CTNNA2: variants seen among roughly 807,000 people sequenced by gnomAD.
CTNNA2 encodes the protein catenin alpha-2.
In CTNNA2, 42 loss-of-function variants were observed where a neutral mutation model predicts 101.0. The observed-to-expected ratio is 0.42, with a 90% CI of 0.32 to 0.54. The LOEUF (loss-of-function observed/expected upper bound fraction) is 0.54. Ranked by LOEUF, CTNNA2 falls within the 20% of genes least tolerant of loss-of-function variation. The probability of loss-of-function intolerance (pLI) is 0.14; values close to 1 mark genes in which losing one functional copy is unlikely to be tolerated. For missense variants in CTNNA2, 871 were observed against 1,223.1 expected (o/e 0.71, Z 4.29); for synonymous variants, 450 against 456.4 (o/e 0.99, Z 0.18).
intron 1 of CTNNA2, among the ~76,000 whole-genome samples, chr2:79,642,796 A>C: frequency 6.6e-6 from 1 of 150,552 alleles, no homozygotes; most frequent in Non-Finnish European, 1.5e-5. Context: ...TTTTTCCCTC[A>C]ACTTCTGCTC....
intron 1 of CTNNA2, among the ~76,000 whole-genome samples, chr2:79,542,919 G>C (rs545226039): frequency 2.0e-5 from 3 of 152,140 alleles, no homozygotes; most frequent in Non-Finnish European, 4.4e-5. Context: ...ATCAACTTAT[G>C]AGAATATGGA....
intron 17 of CTNNA2, chr2:80,616,559 C>G (rs920750556): frequency 2.0e-5 from 3 of 151,736 alleles, no homozygotes; most frequent in African/African-American, 4.8e-5. Context: ...AGCCCTACAT[C>G]TGTCTGGTCA....
intron 2 of CTNNA2, among the ~76,000 whole-genome samples, chr2:79,721,236 A>G (rs1686469202): frequency 6.6e-6 from 1 of 152,116 alleles, no homozygotes; most frequent in Non-Finnish European, 1.5e-5. Flanking sequence ...TGGGTAATTT[A>G]TAAAGAAAGT....
intron 7 of CTNNA2, among the ~76,000 whole-genome samples, chr2:80,007,744 T>G (rs1176407793): frequency 3.9e-5 from 6 of 152,124 alleles, no homozygotes; most frequent in African/African-American, 1.4e-4. Flanking sequence ...TAGCCAGAAG[T>G]GAGAGAAGGG....
chr2:79,546,080 G>A (rs1473646984), intron 1 of CTNNA2, among the ~76,000 whole-genome samples: 1 of 152,126 alleles, frequency 6.6e-6, no homozygotes, highest in Non-Finnish European at 1.5e-5. Flanking sequence ...AACTCTAGTT[G>A]CTGTTCTTAA....
chr2:79,261,757 G>C (rs1183242442), intron 2 of CTNNA2, among the ~76,000 whole-genome samples: 2 of 152,186 alleles, frequency 1.3e-5, no homozygotes, highest in East Asian at 3.9e-4. Context: ...TCCAAATGCA[G>C]TCACATCAGG....
At chr2:80,058,578 C>T (rs1004662429) in intron 7 of CTNNA2, among the ~76,000 whole-genome samples, 3 of 152,142 alleles carry the variant, frequency 2.0e-5, no homozygotes, top group East Asian at 1.9e-4. Context: ...TACTTATAGG[C>T]GTAAAAGCAA....
intron 7 of CTNNA2, among the ~76,000 whole-genome samples, chr2:80,314,605 T>C (rs1479448081): frequency 1.3e-5 from 2 of 152,288 alleles, no homozygotes; most frequent in East Asian, 3.9e-4. Context: ...GGACATTGGA[T>C]GGTCAAGATC....
At chr2:79,694,572 A>G (rs1426791157) in intron 2 of CTNNA2, among the ~76,000 whole-genome samples, 1 of 151,796 alleles carries the variant, frequency 6.6e-6, no homozygotes, top group East Asian at 1.9e-4. Flanking sequence ...AAATAATTTC[A>G]CATTTGAATA....
chr2:79,883,125 G>C (rs917328221), intron 6 of CTNNA2, among the ~76,000 whole-genome samples: 2 of 152,106 alleles, frequency 1.3e-5, no homozygotes, highest in Non-Finnish European at 2.9e-5. Context: ...GTTTCTAGTT[G>C]GCCATCTTGG....
At chr2:79,819,523 TGA>T (rs1001893946) in intron 3 of CTNNA2, among the ~76,000 whole-genome samples, 2 of 152,238 alleles carry the variant, frequency 1.3e-5, no homozygotes, top group African/African-American at 4.8e-5. Context: ...GTTCTATGTG[TGA>T]GTCTCTCAGG....
At chr2:80,279,169 A>G (rs994570756) in intron 7 of CTNNA2, among the ~76,000 whole-genome samples, 1 of 151,854 alleles carries the variant, frequency 6.6e-6, no homozygotes, top group Non-Finnish European at 1.5e-5. Flanking sequence ...CTGGAGAAAC[A>G]TTCCTGAGGC....
At chr2:79,566,376 T>A (rs1455172598) in intron 1 of CTNNA2, among the ~76,000 whole-genome samples, 1 of 152,184 alleles carries the variant, frequency 6.6e-6, no homozygotes, top group Non-Finnish European at 1.5e-5. Context: ...TTTATTTAGA[T>A]CCAAATGCAT....
At chr2:79,747,665 G>A (rs985056012) in intron 3 of CTNNA2, among the ~76,000 whole-genome samples, 2 of 152,058 alleles carry the variant, frequency 1.3e-5, no homozygotes, top group Non-Finnish European at 2.9e-5. Context: ...TTGTGTTCTC[G>A]TGGATATAAT....
chr2:79,575,208 A>T (rs1675714663), intron 1 of CTNNA2, among the ~76,000 whole-genome samples: 1 of 152,172 alleles, frequency 6.6e-6, no homozygotes, highest in African/African-American at 2.4e-5. Flanking sequence ...CATTATCACT[A>T]AATATTTTTA....
intron 3 of CTNNA2, among the ~76,000 whole-genome samples, chr2:79,327,898 A>T (rs907043834): frequency 6.6e-6 from 1 of 152,182 alleles, no homozygotes; most frequent in African/African-American, 2.4e-5. Context: ...GACTCTGTGA[A>T]ATCAGAAGAC....
At chr2:79,860,546 G>GTTTTATTTTTT (rs1681521016) in intron 4 of CTNNA2, among the ~76,000 whole-genome samples, 2 of 107,180 alleles carry the variant, frequency 1.9e-5, no homozygotes, top group African/African-American at 7.4e-5. Context: ...AGTAAGGGAA[G>GTTTTATTTTTT]TTTTTTTTTT....
At chr2:79,207,526 C>T (rs1181489853) in intron 2 of CTNNA2, among the ~76,000 whole-genome samples, 2 of 152,136 alleles carry the variant, frequency 1.3e-5, no homozygotes, top group South Asian at 4.1e-4. Context: ...ATTACTATTA[C>T]TTAGGTTATC....
At chr2:80,298,725 T>A (rs1040122437) in intron 7 of CTNNA2, 2 of 152,252 alleles carry the variant, frequency 1.3e-5, no homozygotes, top group African/African-American at 4.8e-5. Flanking sequence ...TTTGATGAGT[T>A]CAGAAGAATA....
Sources: gnomAD v4.1 joint callset for allele counts (sites outside exome capture counted in the v4.1 genomes callset) on GRCh38, gnomAD v4.1.1 for gene constraint, MANE v1.5 for transcripts, NCBI Gene and HGNC (gene_info 2026-07-23, HGNC 2026-07-21) for gene names.